Variants in NAA15 observed in about 807,000 individuals in gnomAD.
NAA15 encodes the protein N-terminal acetyltransferase.
NAA15 carries 34 observed loss-of-function variants against 114.0 expected under a neutral mutation model. That is an observed-to-expected ratio of 0.30 (90% CI 0.23 to 0.40). The LOEUF (loss-of-function observed/expected upper bound fraction) is 0.40. Among genes scored for constraint, NAA15 ranks in the 10% least tolerant of loss-of-function variants. The pLI, the probability that NAA15 is intolerant of heterozygous loss-of-function variation, is 1.00. For missense variants in NAA15, 658 were observed against 1,004.5 expected (o/e 0.66, Z 4.66); for synonymous variants, 340 against 338.0 (o/e 1.01, Z -0.06).
chr4:139,331,429 A>G (rs539357997), intron 1 of NAA15, among the ~76,000 whole-genome samples: 2 of 151,174 alleles, frequency 1.3e-5, no homozygotes, highest in African/African-American at 4.8e-5. Context: ...ATTATATCAC[A>G]AGTTTTTTTT....
intron 14 of NAA15, among the ~76,000 whole-genome samples, chr4:139,369,671 G>C (rs1027004844): frequency 7.1e-6 from 1 of 141,476 alleles, no homozygotes; most frequent in Non-Finnish European, 1.5e-5. Context: ...CTGGGAAGCA[G>C]AGGTTGCAGT....
chr4:139,378,114 G>A (rs1025769875), intron 16 of NAA15, among the ~76,000 whole-genome samples: 1 of 152,130 alleles, frequency 6.6e-6, no homozygotes. Flanking sequence ...TTGGGAAAAT[G>A]GTACCAAATT....
intron 1 of NAA15, among the ~76,000 whole-genome samples, chr4:139,304,641 A>AT (rs1310114275): frequency 2.6e-5 from 4 of 152,190 alleles, no homozygotes; most frequent in African/African-American, 9.6e-5. Flanking sequence ...AAAAATTTGT[A>AT]TTTTTTATTG....
intron 1 of NAA15, among the ~76,000 whole-genome samples, chr4:139,309,426 AGTGTGTGTGTGTGTGT>A (rs70943412): frequency 5.6e-4 from 80 of 143,546 alleles, no homozygotes; most frequent in East Asian, 1.0e-3. Flanking sequence ...TTGCTTTTTA[AGTGTGTGTGTGTGTGT>A]GTGTGTGTGT....
At chr4:139,307,650 A>G (rs898637020) in intron 1 of NAA15, among the ~76,000 whole-genome samples, 1 of 152,240 alleles carries the variant, frequency 6.6e-6, no homozygotes, top group Non-Finnish European at 1.5e-5. Flanking sequence ...ATTTAAATTC[A>G]AATAGTCACA....
chr4:139,303,243 A>T (rs1394819700), intron 1 of NAA15, among the ~76,000 whole-genome samples: 1 of 152,120 alleles, frequency 6.6e-6, no homozygotes, highest in Non-Finnish European at 1.5e-5. Context: ...GAGCTGTAAA[A>T]TAGTTTTAGG....
chr4:139,323,549 C>T (rs980705727), intron 1 of NAA15, among the ~76,000 whole-genome samples: 2 of 152,084 alleles, frequency 1.3e-5, no homozygotes, highest in Non-Finnish European at 2.9e-5. Flanking sequence ...GCACCCTGCC[C>T]CATAAATTCC....
chr4:139,381,836 G>A (rs1192011651), intron 17 of NAA15, among the ~76,000 whole-genome samples: 1 of 152,122 alleles, frequency 6.6e-6, no homozygotes, highest in Non-Finnish European at 1.5e-5. Context: ...CTAATAGCAT[G>A]AACCAAACAT....
chr4:139,350,749 A>G (rs1364534043), intron 7 of NAA15, among the ~76,000 whole-genome samples: 3 of 152,230 alleles, frequency 2.0e-5, no homozygotes, highest in African/African-American at 7.2e-5. Flanking sequence ...TGCTGCCATG[A>G]AACATGAATA....
rs62323076 is a variant in NAA15, at chr4:139,326,259, G to A, written c.55-7915G>A. 2.8e-3 allele frequency among the ~76,000 whole-genome samples: 426 copies of A among 152,158 alleles called. 1 individual carries two copies. The highest frequency in any genetic ancestry group is 9.8e-3 in the South Asian group (47 of 4,818). ...ATTCTTTTTCCATCACTTAATAGCA[G>A]TGTGACCTTGGCCAAATTATATAAC... On this transcript the variant is annotated intron_variant, in intron 1 of 19. Transcript: ENST00000296543.
intron 7 of NAA15, among the ~76,000 whole-genome samples, chr4:139,350,035 A>G (rs558152391): frequency 6.4e-4 from 98 of 152,282 alleles, no homozygotes; most frequent in African/African-American, 2.3e-3. Context: ...TCTATTTAAT[A>G]TGACAGATTG....
chr4:139,302,041 C>G, intron 1 of NAA15: 2 of 456,020 alleles, frequency 4.4e-6, no homozygotes, highest in Non-Finnish European at 7.6e-6. Context: ...TCATTCCATC[C>G]CCACGCTTGA....
At chr4:139,313,295 A>G (rs1222851294) in intron 1 of NAA15, among the ~76,000 whole-genome samples, 2 of 151,804 alleles carry the variant, frequency 1.3e-5, no homozygotes, top group African/African-American at 4.8e-5. Context: ...TTAAAATGTT[A>G]CTCTATTTTT....
At chr4:139,345,383 C>T (rs1747547023) in intron 6 of NAA15, among the ~76,000 whole-genome samples, 1 of 152,196 alleles carries the variant, frequency 6.6e-6, no homozygotes, top group Admixed American at 6.5e-5. Context: ...CACTAAATAG[C>T]TCTGTGAACA....
intron 10 of NAA15, among the ~76,000 whole-genome samples, chr4:139,355,818 T>C (rs1333039730): frequency 6.6e-6 from 1 of 152,214 alleles, no homozygotes; most frequent in African/African-American, 2.4e-5. Context: ...GGCATATTCT[T>C]CTATTAGTAG....
chr4:139,367,647 G>C lies in NAA15; in HGVS notation c.1754-2564G>C, dbSNP rs564103155. On this transcript the variant is annotated intron_variant, in intron 14 of 19. Coordinates refer to ENST00000296543, the MANE Select transcript of NAA15 (RefSeq NM_057175.5). Reference sequence around the variant, plus strand: ...AGAGAGCCTTTCTTCAGACTAAATAGTGAGGCACCACCATATTCTGAGTAA... The same window carrying C: ...AGAGAGCCTTTCTTCAGACTAAATACTGAGGCACCACCATATTCTGAGTAA... Among the ~76,000 whole-genome samples, 5 of 152,276 alleles carry C rather than the reference G, an allele frequency of 3.3e-5. No homozygotes were observed. The South Asian group carries it at 1.0e-3, about 32-fold the overall frequency.
intron 14 of NAA15, among the ~76,000 whole-genome samples, chr4:139,369,733 G>A (rs1474853036): frequency 3.3e-5 from 3 of 91,170 alleles, no homozygotes; most frequent in Admixed American, 1.3e-4. Flanking sequence ...GTGAGACTCC[G>A]TCTCAAAAAA....
chr4:139,336,783 T>C (rs1275292824), intron 2 of NAA15, 65 bp from the exon 3 acceptor site: 22 of 913,610 alleles, frequency 2.4e-5, no homozygotes, highest in Non-Finnish European at 3.0e-5. Context: ...TATGGTTCTG[T>C]TGTTATTTAT....
chr4:139,325,110 G>A (rs910354600), intron 1 of NAA15, among the ~76,000 whole-genome samples: 1 of 138,602 alleles, frequency 7.2e-6, no homozygotes, highest in African/African-American at 2.8e-5. Flanking sequence ...TCTCATTCAA[G>A]GGGCGGGGGG....
Sources: gnomAD v4.1 joint callset for allele counts (sites outside exome capture counted in the v4.1 genomes callset) on GRCh38, gnomAD v4.1.1 for gene constraint, MANE v1.5 for transcripts, NCBI Gene and HGNC (gene_info 2026-07-23, HGNC 2026-07-21) for gene names.